The following AXDND1 variants were observed in gnomAD, a reference collection of about 807,000 sequenced individuals.
AXDND1 encodes the protein axonemal dynein light chain domain containing 1, also known as axonemal dynein light chain domain-containing protein 1.
A neutral mutation model predicts 137.5 loss-of-function variants in AXDND1; 110 were observed. That is an observed-to-expected ratio of 0.80 (90% CI 0.69 to 0.94). AXDND1 has a LOEUF of 0.94. Ranked by LOEUF, AXDND1 falls within the 40% of genes least tolerant of loss-of-function variation. The pLI is 0.00. For missense variants in AXDND1, 1,191 were observed against 1,169.8 expected, an observed-to-expected ratio of 1.02 and a Z score of -0.26; for synonymous variants, 414 against 399.7, an observed-to-expected ratio of 1.04 and a Z score of -0.43.
At chr1:179,535,329 T>A (rs942954628) in intron 25 of AXDND1, among the ~76,000 whole-genome samples, 1 of 152,074 alleles carries the variant, frequency 6.6e-6, no homozygotes, top group African/African-American at 2.4e-5. Context: ...ACCCATCAAC[T>A]CATCATTTAC....
chr1:179,423,865 G>C (rs758419354), intron 12 of AXDND1, among the ~76,000 whole-genome samples: 2 of 152,122 alleles, frequency 1.3e-5, no homozygotes, highest in Admixed American at 6.5e-5. Context: ...TCATACTAGA[G>C]TTATGAGTGG....
intron 12 of AXDND1, among the ~76,000 whole-genome samples, chr1:179,415,620 C>T (rs962237235): frequency 1.3e-5 from 2 of 152,164 alleles, no homozygotes; most frequent in African/African-American, 2.4e-5. Context: ...AAAAGAAACT[C>T]CATACATTTT....
At chr1:179,541,278 G>A (rs1338290710) in intron 25 of AXDND1, among the ~76,000 whole-genome samples, 1 of 152,142 alleles carries the variant, frequency 6.6e-6, no homozygotes, top group Non-Finnish European at 1.5e-5. Context: ...CTGACTCCTT[G>A]TACTTCCTGG....
intron 15 of AXDND1, among the ~76,000 whole-genome samples, chr1:179,442,444 C>G (rs903833745): frequency 2.6e-5 from 4 of 152,150 alleles, no homozygotes; most frequent in Non-Finnish European, 4.4e-5. Context: ...CCTGCTCTAT[C>G]CCAATTTTCC....
intron 12 of AXDND1, among the ~76,000 whole-genome samples, chr1:179,428,576 G>C (rs11799534): frequency 0.066 from 10,012 of 152,310 alleles, 382 homozygotes; most frequent in African/African-American, 0.08. Context: ...AGAGCTTCAA[G>C]AAATCAAAAT....
chr1:179,528,187 CA>C, intron 22 of AXDND1, 139 bp from the exon 23 acceptor site: 1 of 623,446 alleles, frequency 1.6e-6, no homozygotes, highest in Non-Finnish European at 2.8e-6. Flanking sequence ...TGAAAGTCTT[CA>C]AAAATTCTTG....
rs574429925 is a variant in AXDND1, at chr1:179,525,370, G to A, written c.2533G>A (p.Glu845Lys). 11 of 1,612,062 alleles carry A rather than the reference G, an allele frequency of 6.8e-6. No individual in the cohort carries two copies. Among genetic ancestry groups the A allele is most frequent in the Admixed American group, 5.0e-5 (3 of 59,892 alleles). Residue 845 changes from glutamate to lysine, a missense_variant, in exon 22 of 26, where the codon GAG becomes AAG. By Grantham distance (56) the Glu-to-Lys change is moderately conservative. Coordinates refer to ENST00000367618, the MANE Select transcript of AXDND1 (RefSeq NM_144696.6). The part of the protein sequence containing the change: ...VKEFIEPEID[E>K]SFKEDEEESK... ...AGAATTCATTGAGCCTGAAATAGAC[G>A]AGTCTTTTAAAGAAGATGAAGAAGA... is the stretch of plus-strand genomic sequence containing the variant.
At chr1:179,375,517 T>C (rs1668507806) in intron 4 of AXDND1, among the ~76,000 whole-genome samples, 1 of 150,950 alleles carries the variant, frequency 6.6e-6, no homozygotes, top group South Asian at 2.1e-4. Flanking sequence ...GTATAATGTA[T>C]ACATATGCAT....
At chr1:179,391,147 A>G (rs1558110600) in intron 9 of AXDND1, among the ~76,000 whole-genome samples, 1 of 148,232 alleles carries the variant, frequency 6.7e-6, no homozygotes, top group African/African-American at 2.5e-5. Flanking sequence ...TTCATCTCAC[A>G]TATCTTTTGG....
intron 20 of AXDND1, among the ~76,000 whole-genome samples, chr1:179,493,963 T>C (rs1378334405): frequency 6.6e-6 from 1 of 152,106 alleles, no homozygotes; most frequent in East Asian, 1.9e-4. Context: ...TTTTTAAAAT[T>C]TTTTTTGAGA....
chr1:179,554,509 C>G lies in AXDND1; in HGVS notation c.3032-3C>G. 1 of 1,614,162 alleles carries G rather than the reference C, an allele frequency of 6.2e-7. No homozygotes were observed. The stretch of plus-strand genomic sequence containing the variant: ...TCTCTCCACTTTGATTCCCCAAATA[C>G]AGGTCACTGAATCCAAGGCAACCTG... On this transcript the variant is annotated splice_region_variant and splice_polypyrimidine_tract_variant and intron_variant, in intron 25 of 25. Transcript: ENST00000367618.
At chr1:179,471,695 CTATTG>C (rs1663953489) in intron 17 of AXDND1, among the ~76,000 whole-genome samples, 1 of 151,920 alleles carries the variant, frequency 6.6e-6, no homozygotes, top group Admixed American at 6.6e-5. Flanking sequence ...TTTCTATTCT[CTATTG>C]TATTAATTTC....
At chr1:179,500,970 C>A (rs912692805) in intron 20 of AXDND1, among the ~76,000 whole-genome samples, 2 of 152,152 alleles carry the variant, frequency 1.3e-5, no homozygotes, top group Non-Finnish European at 2.9e-5. Context: ...CCATGCCTGG[C>A]TGAATTAATT....
chr1:179,540,089 C>T (rs1347974519), intron 25 of AXDND1, among the ~76,000 whole-genome samples: 9 of 152,000 alleles, frequency 5.9e-5, no homozygotes, highest in South Asian at 2.1e-4. Context: ...TTAGCCATTT[C>T]GTCTAATCTT....
intron 9 of AXDND1, among the ~76,000 whole-genome samples, chr1:179,389,488 C>T (rs573092165): frequency 3.1e-4 from 47 of 152,250 alleles, no homozygotes; most frequent in African/African-American, 1.1e-3. Flanking sequence ...TTTGTATGTG[C>T]TCCCTTCTGG....
intron 2 of AXDND1, 118 bp from the exon 3 acceptor site, chr1:179,368,682 A>G (rs1667718674): frequency 1.3e-6 from 1 of 799,586 alleles, no homozygotes; most frequent in South Asian, 2.1e-5. Flanking sequence ...ATCTTTGTCA[A>G]ATAGAAGCAA....
chr1:179,454,008 G>A (rs1304209575), intron 16 of AXDND1: 1 of 152,122 alleles, frequency 6.6e-6, no homozygotes, highest in African/African-American at 2.4e-5. Context: ...TTTCAGATGA[G>A]ACTTTGGAAT....
chr1:179,398,702 A>G (rs1345569564), intron 11 of AXDND1, among the ~76,000 whole-genome samples: 20 of 152,132 alleles, frequency 1.3e-4, no homozygotes. Flanking sequence ...TGTGAGCTGC[A>G]GGCAGGGGTG....
At chr1:179,404,981 G>A (rs1652711778) in intron 11 of AXDND1, among the ~76,000 whole-genome samples, 1 of 151,786 alleles carries the variant, frequency 6.6e-6, no homozygotes, top group Non-Finnish European at 1.5e-5. Context: ...AGGTATATAT[G>A]TGCCATGGTG....
Sources: allele counts gnomAD v4.1 joint callset (sites outside exome capture counted in the v4.1 genomes callset), GRCh38; gene constraint gnomAD v4.1.1; transcripts MANE v1.5; gene names NCBI Gene and HGNC (gene_info 2026-07-23, HGNC 2026-07-21).